LYPLAL1: variants seen among roughly 807,000 people sequenced by gnomAD.
The protein encoded by LYPLAL1 is lysophospholipase like 1, also known as lysophospholipase-like protein 1.
LYPLAL1 carries 23 observed loss-of-function variants against 19.7 expected under a neutral mutation model. That is an observed-to-expected ratio of 1.17 (90% confidence interval 0.84 to 1.65). LYPLAL1 has a LOEUF of 1.65. Among genes scored for constraint, LYPLAL1 ranks in the 40% most tolerant of loss-of-function variants. The pLI is 0.00. For synonymous variants in LYPLAL1, 119 were observed against 96.3 expected (o/e 1.24, Z -1.38); for missense variants, 355 against 279.4 (o/e 1.27, Z -1.93).
At chr1:219,407,523 G>T in the LYPLAL1 span, among the ~76,000 whole-genome samples, 1 of 152,184 alleles carries the variant, frequency 6.6e-6, no homozygotes, top group African/African-American at 2.4e-5. Context: ...AATGTAATGA[G>T]CTTGTGAGCA....
chr1:219,363,006 C>T, the LYPLAL1 span, among the ~76,000 whole-genome samples: 1 of 151,842 alleles, frequency 6.6e-6, no homozygotes, highest in Non-Finnish European at 1.5e-5. Flanking sequence ...TTCCTTTTAA[C>T]ACACTTCATT....
the LYPLAL1 span, among the ~76,000 whole-genome samples, chr1:219,369,527 G>A: frequency 2.8e-3 from 422 of 152,332 alleles, 4 homozygotes; most frequent in African/African-American, 7.8e-3. Flanking sequence ...CTGCCTTAGC[G>A]TCCCAGAGTG....
chr1:219,321,392 G>A, the LYPLAL1 span, among the ~76,000 whole-genome samples: 3 of 152,272 alleles, frequency 2.0e-5, no homozygotes, highest in African/African-American at 7.2e-5. Flanking sequence ...TCTGTAGGCT[G>A]CCTGTTCACT....
intron 1 of LYPLAL1, 106 bp from the exon 2 acceptor site, chr1:219,179,041 T>C (rs1219202445): frequency 2.4e-5 from 16 of 680,722 alleles, no homozygotes; most frequent in Non-Finnish European, 3.6e-5. Context: ...GGAGCTTTTT[T>C]AAATCCTTTA....
chr1:219,187,948 A>AT (rs935392673), intron 2 of LYPLAL1, among the ~76,000 whole-genome samples: 4 of 151,832 alleles, frequency 2.6e-5, no homozygotes, highest in African/African-American at 9.7e-5. Flanking sequence ...CTTAGATATG[A>AT]TTTTTTAAAA....
At chr1:219,332,379 C>T in the LYPLAL1 span, among the ~76,000 whole-genome samples, 1 of 152,084 alleles carries the variant, frequency 6.6e-6, no homozygotes, top group South Asian at 2.1e-4. Context: ...GTGAAGAGAC[C>T]ATCTTGCCTT....
At chr1:219,324,259 A>C in the LYPLAL1 span, among the ~76,000 whole-genome samples, 1 of 152,226 alleles carries the variant, frequency 6.6e-6, no homozygotes, top group East Asian at 1.9e-4. Flanking sequence ...TTTAAGCTTC[A>C]TTCTTTTTGG....
the LYPLAL1 span, among the ~76,000 whole-genome samples, chr1:219,258,250 T>C: frequency 3.9e-5 from 6 of 152,152 alleles, no homozygotes; most frequent in African/African-American, 1.2e-4. Flanking sequence ...GTTAATGCAA[T>C]CATCACAGGG....
chr1:219,190,089 A>G (rs1250663308), intron 2 of LYPLAL1, among the ~76,000 whole-genome samples: 6 of 151,686 alleles, frequency 4.0e-5, no homozygotes, highest in Admixed American at 3.3e-4. Flanking sequence ...GTGGAACAAA[A>G]TAGAGCCTTT....
At chr1:219,268,592 A>G in the LYPLAL1 span, among the ~76,000 whole-genome samples, 3 of 151,802 alleles carry the variant, frequency 2.0e-5, no homozygotes, top group African/African-American at 7.3e-5. Context: ...ATGGGGAACA[A>G]CTGTCAGGTA....
chr1:219,348,261 TC>T, the LYPLAL1 span, among the ~76,000 whole-genome samples: 1 of 152,186 alleles, frequency 6.6e-6, no homozygotes, highest in Non-Finnish European at 1.5e-5. Flanking sequence ...AGTGGTCATT[TC>T]CAGCAGCAGA....
chr1:219,422,890 CT>C, the LYPLAL1 span, among the ~76,000 whole-genome samples: 2 of 152,102 alleles, frequency 1.3e-5, no homozygotes, highest in East Asian at 3.9e-4. Context: ...TATTAGTCAT[CT>C]TTGGTCATTC....
chr1:219,185,713 G>C (rs1036864753), intron 2 of LYPLAL1, among the ~76,000 whole-genome samples: 4 of 151,816 alleles, frequency 2.6e-5, no homozygotes, highest in African/African-American at 9.7e-5. Flanking sequence ...TCATCTGAAG[G>C]CTCACTCACA....
the LYPLAL1 span, among the ~76,000 whole-genome samples, chr1:219,266,196 A>G: frequency 6.6e-6 from 1 of 152,118 alleles, no homozygotes; most frequent in Admixed American, 6.5e-5. Flanking sequence ...AAAAACAAAC[A>G]CATTTTAGAG....
At chr1:219,420,810 A>AC in the LYPLAL1 span, among the ~76,000 whole-genome samples, 2 of 152,146 alleles carry the variant, frequency 1.3e-5, no homozygotes, top group Non-Finnish European at 2.9e-5. Flanking sequence ...TTTTCTAACT[A>AC]CCCCATTACT....
the LYPLAL1 span, among the ~76,000 whole-genome samples, chr1:219,244,911 C>CAAAA: frequency 2.4e-5 from 3 of 123,108 alleles, no homozygotes; most frequent in African/African-American, 6.1e-5. Flanking sequence ...CATGCCACTG[C>CAAAA]AAAAAAAAAA....
the LYPLAL1 span, among the ~76,000 whole-genome samples, chr1:219,267,652 A>T: frequency 9.9e-5 from 15 of 152,194 alleles, no homozygotes; most frequent in African/African-American, 3.6e-4. Flanking sequence ...TCAGTTATTC[A>T]TTCACTAAAT....
chr1:219,239,200 G>C, the LYPLAL1 span, among the ~76,000 whole-genome samples: 1 of 152,268 alleles, frequency 6.6e-6, no homozygotes, highest in Admixed American at 6.5e-5. Flanking sequence ...ATTATTTCCA[G>C]TTTACAAATT....
the LYPLAL1 span, among the ~76,000 whole-genome samples, chr1:219,378,895 T>G: frequency 6.6e-6 from 1 of 152,194 alleles, no homozygotes; most frequent in East Asian, 1.9e-4. Context: ...TAAGTAGTTT[T>G]GACAAGCCAA....
Sources: gnomAD v4.1 joint callset for allele counts (sites outside exome capture counted in the v4.1 genomes callset) on GRCh38, gnomAD v4.1.1 for gene constraint, MANE v1.5 for transcripts, NCBI Gene and HGNC (gene_info 2026-07-23, HGNC 2026-07-21) for gene names.